The following UGGT1 variants were observed in gnomAD, a reference collection of about 807,000 sequenced individuals.
The protein encoded by UGGT1 is UDP-glucose glycoprotein glucosyltransferase 1, also known as UDP-glucose:glycoprotein glucosyltransferase 1.
UGGT1 carries 107 observed loss-of-function variants against 203.9 expected under a neutral mutation model. The observed-to-expected ratio is 0.52, with a 90% CI of 0.45 to 0.62. The LOEUF (loss-of-function observed/expected upper bound fraction) is 0.62, where lower values mean the gene tolerates loss of function less well. Ranked by LOEUF, UGGT1 falls within the 20% of genes least tolerant of loss-of-function variation. The pLI is 0.00. For synonymous variants in UGGT1, 628 were observed against 653.5 expected, an observed-to-expected ratio of 0.96 and a Z score of 0.59; for missense variants, 1,673 against 1,867.2, an observed-to-expected ratio of 0.90 and a Z score of 1.92.
chr2:128,092,605 C>CT (rs55814829), intron 1 of UGGT1, among the ~76,000 whole-genome samples: 70,299 of 126,606 alleles, frequency 0.56, 19,715 homozygotes, highest in Admixed American at 0.62. Context: ...TTCTTTCTTT[C>CT]TTTTTTTTTT....
Position 128,109,699 on chromosome 2 carries a change from T to C in UGGT1, c.474T>C (p.Thr158=), listed in dbSNP as rs1317305364. 6.2e-6 allele frequency: 10 copies of C among 1,614,042 alleles called. No individual in the cohort carries two copies. Among genetic ancestry groups the C allele is most frequent in the African/African-American group, 1.3e-5 (1 of 74,924 alleles). The part of the protein sequence containing the change: ...NSFFSVHGKK[T]CESDTLEALL... ...TTTTTTCAGTGCATGGAAAGAAGACTTGTGAATCTGATACCCTTGAGGCTC... is the reference window on the plus strand; with the variant it reads ...TTTTTTCAGTGCATGGAAAGAAGACCTGTGAATCTGATACCCTTGAGGCTC... Residue 158 remains threonine, a synonymous_variant, in exon 5 of 41, where the codon ACT becomes ACC. Transcript: ENST00000259253.
chr2:128,146,048 T>C, intron 18 of UGGT1, 81 bp downstream of exon 18: 2 of 1,536,900 alleles, frequency 1.3e-6, no homozygotes, highest in Non-Finnish European at 1.8e-6. Flanking sequence ...GGCAGTAAAA[T>C]TCTTAGTATC....
Position 128,091,244 on chromosome 2 carries a change from G to C in UGGT1, c.-114G>C. The C allele has an allele frequency of 8.3e-7, 1 of 1,200,252 alleles. No homozygotes were observed. The highest frequency in any genetic ancestry group is 1.6e-5 in the African/African-American group (1 of 62,484). 74.4% of individuals were successfully genotyped at this position (1,200,252 alleles called of 1,614,324 possible). A position where few individuals can be genotyped will look rare whatever the true frequency, so the allele number is the denominator to read the frequency against. ...GAGGCTGGGTGTTGAGTCGAGCCGCGGGAAAGGCGCGTGTCGGCCTCTCAC... is the reference window on the plus strand; with the variant it reads ...GAGGCTGGGTGTTGAGTCGAGCCGCCGGAAAGGCGCGTGTCGGCCTCTCAC... On this transcript the variant is annotated 5_prime_UTR_variant, in exon 1 of 41. Coordinates refer to ENST00000259253, the MANE Select transcript of UGGT1 (RefSeq NM_020120.4).
At chr2:128,188,839 G>C (rs1326093747) in intron 40 of UGGT1, among the ~76,000 whole-genome samples, 2 of 152,304 alleles carry the variant, frequency 1.3e-5, no homozygotes, top group South Asian at 4.2e-4. Flanking sequence ...CCAGAACATG[G>C]ATCTTGGGTG....
intron 3 of UGGT1, among the ~76,000 whole-genome samples, chr2:128,104,253 C>T (rs1014034031): frequency 6.6e-6 from 1 of 152,114 alleles, no homozygotes; most frequent in Non-Finnish European, 1.5e-5. Context: ...TTTGTTCTAT[C>T]GTGATCCTTT....
chr2:128,147,272 A>G (rs1017081570), intron 18 of UGGT1, among the ~76,000 whole-genome samples: 1 of 152,190 alleles, frequency 6.6e-6, no homozygotes, highest in African/African-American at 2.4e-5. Flanking sequence ...AAAATCTGCT[A>G]TTGAGCCTCT....
At chr2:128,148,186 C>T (rs573162017) in intron 18 of UGGT1, among the ~76,000 whole-genome samples, 6 of 152,208 alleles carry the variant, frequency 3.9e-5, no homozygotes, top group South Asian at 2.1e-4. Flanking sequence ...CTCAGCCTCC[C>T]GAGTAGCTGG....
At chr2:128,096,483 C>CCTTAGCTTACAGTATA in intron 1 of UGGT1, among the ~76,000 whole-genome samples, 1 of 152,306 alleles carries the variant, frequency 6.6e-6, no homozygotes, top group South Asian at 2.1e-4. Context: ...TTCAGGCATT[C>CCTTAGCTTACAGTATA]CTTAGCTTAC....
At chr2:128,145,141 T>G (rs916378311) in intron 17 of UGGT1, among the ~76,000 whole-genome samples, 6 of 152,358 alleles carry the variant, frequency 3.9e-5, no homozygotes, top group African/African-American at 1.4e-4. Context: ...TTTTGTTTTC[T>G]GCAGGTGTAA....
chr2:128,188,069 G>A (rs1057263635), intron 40 of UGGT1, among the ~76,000 whole-genome samples: 6 of 149,458 alleles, frequency 4.0e-5, no homozygotes, highest in African/African-American at 1.2e-4. Flanking sequence ...TGCCCAGGCT[G>A]GAGTGCAGTG....
intron 24 of UGGT1, 116 bp from the exon 25 acceptor site, chr2:128,161,022 G>A: frequency 8.3e-7 from 1 of 1,201,562 alleles, no homozygotes; most frequent in East Asian, 2.4e-5. Context: ...CCTGTCTCAG[G>A]TCTTTAAGAT....
chr2:128,176,954 A>G, intron 32 of UGGT1, 56 bp downstream of exon 32: 1 of 1,536,874 alleles, frequency 6.5e-7, no homozygotes, highest in East Asian at 2.2e-5. Context: ...ATTTAAAAAT[A>G]TGTATCTTGG....
At chr2:128,166,740 C>T (rs563412127) in intron 26 of UGGT1, among the ~76,000 whole-genome samples, 64 of 152,296 alleles carry the variant, frequency 4.2e-4, no homozygotes, top group Non-Finnish European at 6.9e-4. Flanking sequence ...AAGAGCCCTG[C>T]GCAGTAATGT....
intron 31 of UGGT1, among the ~76,000 whole-genome samples, chr2:128,175,650 G>GT (rs1289831937): frequency 6.6e-6 from 1 of 152,080 alleles, no homozygotes; most frequent in Non-Finnish European, 1.5e-5. Context: ...ACAGTAGAAG[G>GT]TTTTTTCCCA....
At chr2:128,164,668 G>T in intron 25 of UGGT1, 62 bp from the exon 26 acceptor site, 1 of 1,376,284 alleles carries the variant, frequency 7.3e-7, no homozygotes, top group South Asian at 1.2e-5. Context: ...TGATATGTTT[G>T]GCAATAATTG....
intron 19 of UGGT1, among the ~76,000 whole-genome samples, chr2:128,155,253 T>G (rs1430540681): frequency 6.6e-6 from 1 of 152,192 alleles, no homozygotes; most frequent in Non-Finnish European, 1.5e-5. Flanking sequence ...AACTGACACA[T>G]ACTTATATGA....
At chr2:128,146,891 C>T (rs1271994330) in intron 18 of UGGT1, among the ~76,000 whole-genome samples, 1 of 152,200 alleles carries the variant, frequency 6.6e-6, no homozygotes. Flanking sequence ...GCTTGTTGCT[C>T]AGAACCCCAA....
intron 35 of UGGT1, 69 bp downstream of exon 35, chr2:128,179,939 T>C (rs1691603130): frequency 2.1e-6 from 3 of 1,459,400 alleles, no homozygotes; most frequent in South Asian, 1.2e-5. Context: ...TTCATGACTT[T>C]TGTTTTATCT....
At position 128,103,440 on chromosome 2, in the gene UGGT1, G is replaced by A. The variant is rs140920516; in HGVS notation, c.195-492G>A. On this transcript the variant is annotated intron_variant, in intron 2 of 40. Transcript: ENST00000259253. ...ATCTTGAAAATTTGGATTTAAGAGT[G>A]TTAAAAGATTACAACATGCTGCCTT... 2.9e-3 allele frequency among the ~76,000 whole-genome samples: 438 copies of A among 152,282 alleles called. 2 individuals are homozygous for A. Among genetic ancestry groups the A allele is most frequent in the African/African-American group, 0.01 (419 of 41,568 alleles).
Sources: allele counts gnomAD v4.1 joint callset (sites outside exome capture counted in the v4.1 genomes callset), GRCh38; gene constraint gnomAD v4.1.1; transcripts MANE v1.5; gene names NCBI Gene and HGNC (gene_info 2026-07-23, HGNC 2026-07-21).